Variants in C12orf42 observed in about 807,000 individuals in gnomAD.
C12orf42 encodes chromosome 12 open reading frame 42, also known as uncharacterized protein C12orf42.
Under a neutral mutation model 21.6 loss-of-function variants are expected in C12orf42, and 25 were observed. The observed-to-expected ratio is 1.16, with a 90% CI of 0.84 to 1.62. The LOEUF is 1.62. C12orf42 is among the 40% of genes most tolerant of loss of function. The pLI, the probability that C12orf42 is intolerant of heterozygous loss-of-function variation, is 0.00. For missense variants in C12orf42, 483 were observed against 459.3 expected (o/e 1.05, Z -0.47); for synonymous variants, 174 against 175.0 (o/e 0.99, Z 0.05).
At chr12:103,199,690 C>T in the C12orf42 span, among the ~76,000 whole-genome samples, 115 of 152,198 alleles carry the variant, frequency 7.6e-4, no homozygotes, top group Non-Finnish European at 1.4e-3. Flanking sequence ...AGAAGACACA[C>T]AATTGAACAC....
At chr12:103,242,558 T>A (rs780446471) in intron 10 of C12orf42, among the ~76,000 whole-genome samples, 1 of 152,136 alleles carries the variant, frequency 6.6e-6, no homozygotes, top group Non-Finnish European at 1.5e-5. Context: ...TAAAAAAATT[T>A]AAAAGGTCAC....
the C12orf42 span, among the ~76,000 whole-genome samples, chr12:103,054,612 A>G: frequency 3.3e-5 from 5 of 151,958 alleles, no homozygotes; most frequent in South Asian, 4.1e-4. Flanking sequence ...TCAGCACTAT[A>G]TTGAACAAGA....
At chr12:103,116,381 A>AAAT in the C12orf42 span, among the ~76,000 whole-genome samples, 22 of 136,698 alleles carry the variant, frequency 1.6e-4, no homozygotes, top group African/African-American at 5.2e-4. Context: ...AAAAAAAAAA[A>AAAT]ATATATATAT....
the C12orf42 span, among the ~76,000 whole-genome samples, chr12:103,126,006 A>T: frequency 2.9e-4 from 44 of 152,326 alleles, no homozygotes; most frequent in Non-Finnish European, 5.0e-4. Context: ...TATGCTGGAA[A>T]TGGCGCTCTC....
chr12:103,318,462 G>A (rs1397027252), intron 4 of C12orf42, among the ~76,000 whole-genome samples: 1 of 152,096 alleles, frequency 6.6e-6, no homozygotes, highest in Non-Finnish European at 1.5e-5. Context: ...ACTCCTATAA[G>A]CAGTGAATAC....
intron 2 of C12orf42, among the ~76,000 whole-genome samples, chr12:103,466,569 G>C (rs1267756639): frequency 7.6e-5 from 7 of 92,682 alleles, no homozygotes; most frequent in Non-Finnish European, 1.9e-4. Context: ...GTCTCTCCCT[G>C]ACTCTCTCTC....
intron 2 of C12orf42, among the ~76,000 whole-genome samples, chr12:103,458,594 G>A (rs1952473483): frequency 6.6e-6 from 1 of 152,162 alleles, no homozygotes; most frequent in African/African-American, 2.4e-5. Context: ...AGCTCAGCTA[G>A]ATCTTAGTAA....
At chr12:103,238,939 C>T (rs987309129) in intron 10 of C12orf42, among the ~76,000 whole-genome samples, 10 of 152,154 alleles carry the variant, frequency 6.6e-5, no homozygotes, top group African/African-American at 9.7e-5. Context: ...CTGCAGATGT[C>T]GACCATGGCT....
chr12:103,213,016 T>C, the C12orf42 span, among the ~76,000 whole-genome samples: 1 of 152,174 alleles, frequency 6.6e-6, no homozygotes, highest in Admixed American at 6.6e-5. Context: ...ATTATATTAT[T>C]AAAGTTCTAC....
chr12:103,464,969 C>G (rs990190445), intron 2 of C12orf42, among the ~76,000 whole-genome samples: 17 of 152,124 alleles, frequency 1.1e-4, no homozygotes, highest in African/African-American at 3.4e-4. Context: ...GTTACTGTAG[C>G]CTTGTAGTGT....
the C12orf42 span, among the ~76,000 whole-genome samples, chr12:103,143,701 TAGG>T: frequency 6.6e-6 from 1 of 152,214 alleles, no homozygotes; most frequent in Non-Finnish European, 1.5e-5. Flanking sequence ...CTTTCTCTAA[TAGG>T]AGAACAAGAC....
chr12:103,259,406 G>A (rs1238113906), intron 10 of C12orf42, among the ~76,000 whole-genome samples: 1 of 152,128 alleles, frequency 6.6e-6, no homozygotes, highest in Non-Finnish European at 1.5e-5. Flanking sequence ...AGCCTCCCGA[G>A]TAGCTGGTAT....
chr12:103,171,606 A>G, the C12orf42 span, among the ~76,000 whole-genome samples: 1 of 152,114 alleles, frequency 6.6e-6, no homozygotes, highest in Non-Finnish European at 1.5e-5. Flanking sequence ...TAATAAATTG[A>G]AGAGTTGGAA....
intron 2 of C12orf42, among the ~76,000 whole-genome samples, chr12:103,452,717 T>C (rs1016264550): frequency 2.0e-5 from 3 of 152,138 alleles, no homozygotes; most frequent in Non-Finnish European, 4.4e-5. Flanking sequence ...TGAGTTCATG[T>C]CCTTTGCAGG....
chr12:103,197,125 C>T, the C12orf42 span, among the ~76,000 whole-genome samples: 1 of 152,124 alleles, frequency 6.6e-6, no homozygotes, highest in African/African-American at 2.4e-5. Flanking sequence ...AACAATTTCC[C>T]TTAGCATTTG....
intron 2 of C12orf42, among the ~76,000 whole-genome samples, chr12:103,418,751 T>C (rs1266638131): frequency 6.6e-6 from 1 of 152,016 alleles, no homozygotes; most frequent in Non-Finnish European, 1.5e-5. Flanking sequence ...CACTAACAGT[T>C]TACAATCAAC....
At chr12:103,252,864 A>G (rs2034378268) in intron 10 of C12orf42, among the ~76,000 whole-genome samples, 1 of 152,154 alleles carries the variant, frequency 6.6e-6, no homozygotes. Context: ...TGTTTTAATC[A>G]TGAAGTCTTT....
intron 4 of C12orf42, among the ~76,000 whole-genome samples, chr12:103,325,982 C>T (rs2040654439): frequency 6.6e-6 from 1 of 152,166 alleles, no homozygotes; most frequent in South Asian, 2.1e-4. Flanking sequence ...AGAAAGAGTA[C>T]ATTGTGCTCA....
the C12orf42 span, among the ~76,000 whole-genome samples, chr12:103,088,080 G>T: frequency 6.6e-6 from 1 of 152,048 alleles, no homozygotes; most frequent in Non-Finnish European, 1.5e-5. Flanking sequence ...TGATTCCCAG[G>T]GAGCAAAGCA....
Sources: gnomAD v4.1 joint callset for allele counts (sites outside exome capture counted in the v4.1 genomes callset) on GRCh38, gnomAD v4.1.1 for gene constraint, MANE v1.5 for transcripts, NCBI Gene and HGNC (gene_info 2026-07-23, HGNC 2026-07-21) for gene names.